VMP1: variants seen among roughly 807,000 people sequenced by gnomAD.
VMP1 encodes the protein ectopic P-granules autophagy protein 3 homolog.
VMP1 carries 11 observed loss-of-function variants against 56.0 expected under a neutral mutation model. The ratio of observed to expected loss-of-function variants is 0.20; its 90% CI spans 0.12 to 0.32. The LOEUF is 0.32. VMP1 is among the 10% of genes least tolerant of loss of function. VMP1 has a pLI of 1.00. For missense variants in VMP1, 296 were observed against 490.3 expected, an observed-to-expected ratio of 0.60 and a Z score of 3.74; for synonymous variants, 149 against 165.0, an observed-to-expected ratio of 0.90 and a Z score of 0.74.
At chr17:59,800,897 TG>T (rs2037616668) in intron 7 of VMP1, among the ~76,000 whole-genome samples, 1 of 151,894 alleles carries the variant, frequency 6.6e-6, no homozygotes, top group Admixed American at 6.6e-5. Context: ...CTGGCCAGCA[TG>T]GTGAAACCCC....
intron 10 of VMP1, among the ~76,000 whole-genome samples, chr17:59,831,431 A>G (rs928265669): frequency 2.0e-5 from 3 of 152,112 alleles, no homozygotes; most frequent in Non-Finnish European, 4.4e-5. Flanking sequence ...CAGTCTCCCA[A>G]AGTGCTGGGA....
chr17:59,727,831 C>T (rs1016309169), intron 1 of VMP1, among the ~76,000 whole-genome samples: 24 of 152,226 alleles, frequency 1.6e-4, no homozygotes, highest in African/African-American at 5.5e-4. Context: ...TTCATCTACA[C>T]ATCAATCATT....
chr17:59,836,361 C>T (rs926826027), intron 10 of VMP1, among the ~76,000 whole-genome samples: 6 of 151,876 alleles, frequency 4.0e-5, no homozygotes, highest in African/African-American at 1.2e-4. Context: ...CCATTCTCAG[C>T]TCATTTTTGT....
chr17:59,727,468 C>A (rs1026808050), intron 1 of VMP1, among the ~76,000 whole-genome samples: 1 of 152,088 alleles, frequency 6.6e-6, no homozygotes, highest in South Asian at 2.1e-4. Flanking sequence ...AAAACATTGT[C>A]TTTTCATCTA....
chr17:59,794,740 G>A (rs2037374743), intron 7 of VMP1, among the ~76,000 whole-genome samples: 2 of 150,796 alleles, frequency 1.3e-5, no homozygotes, highest in South Asian at 2.1e-4. Flanking sequence ...GTCAGCCCCC[G>A]AGAAAGCCTC....
chr17:59,816,502 TG>T (rs1309455100), intron 9 of VMP1, among the ~76,000 whole-genome samples: 1 of 152,008 alleles, frequency 6.6e-6, no homozygotes, highest in Non-Finnish European at 1.5e-5. Context: ...TCATAGTGAG[TG>T]GATAAAAAGA....
At chr17:59,742,967 C>T (rs796156793) in intron 5 of VMP1, among the ~76,000 whole-genome samples, 7 of 152,236 alleles carry the variant, frequency 4.6e-5, no homozygotes, top group African/African-American at 1.7e-4. Flanking sequence ...ACTTGTCTTC[C>T]ACGAAACTGG....
At chr17:59,759,611 T>C (rs2035968037) in intron 5 of VMP1, among the ~76,000 whole-genome samples, 1 of 152,216 alleles carries the variant, frequency 6.6e-6, no homozygotes, top group South Asian at 2.1e-4. Flanking sequence ...ATCTTTTTTA[T>C]GGATTTTTTA....
chr17:59,766,422 T>C (rs2036233341), intron 6 of VMP1, among the ~76,000 whole-genome samples: 1 of 152,146 alleles, frequency 6.6e-6, no homozygotes, highest in South Asian at 2.1e-4. Flanking sequence ...GAGAATTGCT[T>C]GAACCCAGGA....
chr17:59,805,037 C>G (rs1365811263), intron 7 of VMP1, among the ~76,000 whole-genome samples: 1 of 152,036 alleles, frequency 6.6e-6, no homozygotes, highest in Non-Finnish European at 1.5e-5. Flanking sequence ...GACTTTCACT[C>G]TTTTTAAAAA....
intron 11 of VMP1, 52 bp from the exon 12 acceptor site, chr17:59,839,716 A>C: frequency 6.4e-7 from 1 of 1,562,576 alleles, no homozygotes; most frequent in Non-Finnish European, 8.6e-7. Context: ...TCTTTTTACT[A>C]CTGAACTAAT....
intron 5 of VMP1, among the ~76,000 whole-genome samples, chr17:59,744,104 T>TA (rs397974246): frequency 6.6e-6 from 1 of 151,492 alleles, no homozygotes; most frequent in Non-Finnish European, 1.5e-5. Flanking sequence ...TTTTTTTTTT[T>TA]AAATCATGAA....
At chr17:59,726,722 T>C (rs545068302) in intron 1 of VMP1, among the ~76,000 whole-genome samples, 2 of 152,262 alleles carry the variant, frequency 1.3e-5, no homozygotes, top group Non-Finnish European at 2.9e-5. Context: ...TTTTTATTAA[T>C]AAAATTCAGA....
At chr17:59,780,133 G>T (rs1452642135) in intron 7 of VMP1, among the ~76,000 whole-genome samples, 1 of 152,116 alleles carries the variant, frequency 6.6e-6, no homozygotes, top group South Asian at 2.1e-4. Flanking sequence ...ACTTCTGTTG[G>T]TTATGAGGTT....
chr17:59,729,686 C>CTTTTTTTTTTTTTTTTTTTTTTTTTTTT (rs577589984), intron 1 of VMP1: 1 of 131,068 alleles, frequency 7.6e-6, no homozygotes, highest in African/African-American at 2.8e-5. Flanking sequence ...TTTTTTGTTT[C>CTTTTTTTTTTTTTTTTTTTTTTTTTTTT]TTTTTTTTTT....
chr17:59,727,532 T>G (rs1168029678), intron 1 of VMP1, among the ~76,000 whole-genome samples: 1 of 152,188 alleles, frequency 6.6e-6, no homozygotes, highest in Non-Finnish European at 1.5e-5. Context: ...TTTCTTGTGT[T>G]CATTTGGCTT....
chr17:59,784,798 C>T (rs1014338939), intron 7 of VMP1: 1 of 152,140 alleles, frequency 6.6e-6, no homozygotes, highest in African/African-American at 2.4e-5. Flanking sequence ...GTTTAATAGT[C>T]ATCTGAGAGC....
chr17:59,724,343 A>T (rs1203545961), intron 1 of VMP1, among the ~76,000 whole-genome samples: 1 of 152,320 alleles, frequency 6.6e-6, no homozygotes, highest in Non-Finnish European at 1.5e-5. Context: ...GTAAAAAAAA[A>T]GTTTATTAGC....
chr17:59,746,379 C>T lies in VMP1; in HGVS notation c.414+7432C>T, dbSNP rs150623046. 2.9e-4 allele frequency among the ~76,000 whole-genome samples: 44 copies of T among 152,296 alleles called. 1 individual carries two copies. The highest frequency in any genetic ancestry group is 9.6e-4 in the African/African-American group (40 of 41,566). ...TAGAGACAGGATTTTGCCATGTTGG[C>T]CAGGCTGGTCTTGAACTCCTGGCCT... On this transcript the variant is annotated intron_variant, in intron 5 of 11. Transcript: ENST00000262291.
Sources: allele counts gnomAD v4.1 joint callset (sites outside exome capture counted in the v4.1 genomes callset), GRCh38; gene constraint gnomAD v4.1.1; transcripts MANE v1.5; gene names NCBI Gene and HGNC (gene_info 2026-07-23, HGNC 2026-07-21).